The following TOB2 variants were observed in gnomAD, a reference collection of about 807,000 sequenced individuals.
TOB2 encodes the protein protein Tob2.
Under a neutral mutation model 17.3 loss-of-function variants are expected in TOB2, and 3 were observed. The observed-to-expected ratio is 0.17, with a 90% CI of 0.08 to 0.45. TOB2 has a LOEUF of 0.45. Among genes scored for constraint, TOB2 ranks in the 20% least tolerant of loss-of-function variants. TOB2 has a pLI of 0.99. For synonymous variants in TOB2, 163 were observed against 185.6 expected (o/e 0.88, Z 0.99); for missense variants, 407 against 445.7 (o/e 0.91, Z 0.78).
At chr22:41,445,610 A>G (rs1383292966) in intron 1 of TOB2, among the ~76,000 whole-genome samples, 1 of 151,756 alleles carries the variant, frequency 6.6e-6, no homozygotes, top group Non-Finnish European at 1.5e-5. Flanking sequence ...TCCTCTCTGC[A>G]CCCTCCTTCC....
At chr22:41,443,244 A>C (rs1194720243) in intron 1 of TOB2, among the ~76,000 whole-genome samples, 1 of 152,180 alleles carries the variant, frequency 6.6e-6, no homozygotes, top group Admixed American at 6.5e-5. Flanking sequence ...ACTTCTGATA[A>C]AAATGTGAGG....
In TOB2 at chr22:41,437,126, G is replaced by T. The variant is rs568919168; in HGVS notation, c.220C>A (p.Arg74=). Residue 74 remains arginine, a synonymous_variant, in exon 2 of 2, where the codon CGG becomes AGG. Transcript: ENST00000327492. ...ACATCTTCCACCGCCAGGCCACTCC[G>T]CTTGGCGGCCAGCTCCACCACGGGG... is the stretch of plus-strand genomic sequence containing the variant. The part of the protein sequence containing the change: ...VDPVVELAAK[R]SGLAVEDVRA... 13 of 1,614,118 alleles carry T rather than the reference G, an allele frequency of 8.1e-6. No homozygotes were observed. In the East Asian group the frequency reaches 2.9e-4, roughly 36 times the overall value.
In TOB2 at chr22:41,436,600, G is replaced by A. The variant is rs1431697003; in HGVS notation, c.746C>T (p.Pro249Leu). 6 of 1,612,452 alleles carry A rather than the reference G, an allele frequency of 3.7e-6. No homozygotes were observed. The Admixed American group carries it at 6.7e-5, about 18-fold the overall frequency. The change falls in exon 2 of 2, where the codon CCT becomes CTT. Residue 249 changes from proline to leucine, a missense_variant. Transcript: ENST00000327492. This position sits in a 1 kb window ranked among gnomAD's most constrained non-coding sequence, Gnocchi z 4.8. The stretch of plus-strand genomic sequence containing the variant: ...GGCATTGGGTGAGAGCTGGGACTGA[G>A]GGGCCGGGTTGGCCGTGATGAAGTT... ...SLNFITANPAPQSQLSPNAKE... is the reference protein window; with the variant it reads ...SLNFITANPALQSQLSPNAKE...
At position 41,433,909 on chromosome 22, in the gene TOB2, C is replaced by CTT; in HGVS notation, c.*2400_*2401dup. The CTT allele has an allele frequency of 8.6e-5, 18 of 209,948 alleles. No homozygotes were observed. Among genetic ancestry groups the CTT allele is most frequent in the Middle Eastern group, 5.1e-4 (1 of 1,962 alleles). The allele number at this position is 209,948 out of a possible 1,614,324, so 13.0% of individuals were successfully genotyped here. ...GGGGAGAAAAGGTTTTATTTCTCCT[C>CTT]TTTTTTTTTTAAAGTTTGTTTTTCC... On this transcript the variant is annotated 3_prime_UTR_variant, in exon 2 of 2. Transcript: ENST00000327492.
rs146816915 is a variant in TOB2, at chr22:41,437,125, C to T, written c.221G>A (p.Arg74Gln). 9.5e-5 allele frequency: 154 copies of T among 1,614,160 alleles called. 2 individuals are homozygous for T. Among genetic ancestry groups the T allele is most frequent in the South Asian group, 3.2e-4 (29 of 91,074 alleles). Residue 74 changes from arginine (R) to glutamine (Q), a missense_variant, in exon 2 of 2, where the codon CGG becomes CAG. Arg to Gln is a conservative substitution (Grantham distance 43). Coordinates refer to ENST00000327492, the MANE Select transcript of TOB2 (RefSeq NM_016272.4). Reference sequence around the variant, plus strand: ...CACATCTTCCACCGCCAGGCCACTCCGCTTGGCGGCCAGCTCCACCACGGG... The same window carrying T: ...CACATCTTCCACCGCCAGGCCACTCTGCTTGGCGGCCAGCTCCACCACGGG... ...VDPVVELAAKRSGLAVEDVRA... is the reference protein window; with the variant it reads ...VDPVVELAAKQSGLAVEDVRA...
chr22:41,434,266 CAA>C lies in TOB2; in HGVS notation c.*2043_*2044del, dbSNP rs948092568. ...TGAACACACATTTTTCTTCGTATTT[CAA>C]AAGACACAAAGGGGTTGGTCTCCCC... On this transcript the variant is annotated 3_prime_UTR_variant, in exon 2 of 2. Coordinates refer to ENST00000327492, the MANE Select transcript of TOB2 (RefSeq NM_016272.4). 2.6e-5 allele frequency: 4 copies of C among 153,544 alleles called. No individual in the cohort carries two copies. The highest frequency in any genetic ancestry group is 4.4e-5 in the Non-Finnish European group (3 of 68,864). 9.5% of individuals were successfully genotyped at this position (153,544 alleles called of 1,614,324 possible). A position where few individuals can be genotyped will look rare whatever the true frequency, so the allele number is the denominator to read the frequency against.
At chr22:41,442,706 A>C (rs1483491127) in intron 1 of TOB2, among the ~76,000 whole-genome samples, 1 of 152,248 alleles carries the variant, frequency 6.6e-6, no homozygotes, top group Non-Finnish European at 1.5e-5. Flanking sequence ...GCAGAGGATT[A>C]AAGCACTGGT....
rs772593215 is a variant in TOB2, at chr22:41,437,391, T to G, written c.-46A>C. 1.3e-6 allele frequency: 2 copies of G among 1,551,204 alleles called. No homozygotes were observed. Among genetic ancestry groups the G allele is most frequent in the South Asian group, 1.2e-5 (1 of 81,366 alleles). On this transcript the variant is annotated 5_prime_UTR_variant, in exon 2 of 2. Transcript: ENST00000327492. ...ATCAGCACAGGGCACGTGTACAGCCTTGGGCTCCAGGCGGCTCTGGGAAAT... is the reference window on the plus strand; with the variant it reads ...ATCAGCACAGGGCACGTGTACAGCCGTGGGCTCCAGGCGGCTCTGGGAAAT...
At position 41,434,392 on chromosome 22, in the gene TOB2, A is replaced by G. The variant is rs1358985243; in HGVS notation, c.*1919T>C. Reference sequence around the variant, plus strand: ...AGAAGGGGATGTAAGGCAGCATCCAACCTTTCCCAGAGAGAAGCTATCTGC... The same window carrying G: ...AGAAGGGGATGTAAGGCAGCATCCAGCCTTTCCCAGAGAGAAGCTATCTGC... On this transcript the variant is annotated 3_prime_UTR_variant, in exon 2 of 2. Coordinates refer to ENST00000327492, the MANE Select transcript of TOB2 (RefSeq NM_016272.4). 1 of 152,784 alleles carries G rather than the reference A, an allele frequency of 6.5e-6. No individual in the cohort carries two copies. Among genetic ancestry groups the G allele is most frequent in the Non-Finnish European group, 1.5e-5 (1 of 68,220 alleles). The allele number at this position is 152,784 out of a possible 1,614,324, so 9.5% of individuals were successfully genotyped here.
chr22:41,438,425 T>C (rs530270179), intron 1 of TOB2, among the ~76,000 whole-genome samples: 20 of 151,524 alleles, frequency 1.3e-4, no homozygotes, highest in Middle Eastern at 3.4e-3. Flanking sequence ...GGTCGGGAGT[T>C]CGAGACCAGC....
chr22:41,439,812 G>A (rs953483790), intron 1 of TOB2, among the ~76,000 whole-genome samples: 1 of 152,012 alleles, frequency 6.6e-6, no homozygotes, highest in South Asian at 2.1e-4. Flanking sequence ...CAACACACAC[G>A]GCCTTAAGGG....
rs2037547345 is a variant in TOB2, at chr22:41,436,379, G to A, written c.967C>T (p.Leu323Phe). The change falls in exon 2 of 2, where the codon CTC (leucine) becomes TTC (phenylalanine). Residue 323 changes from leucine (L) to phenylalanine (F), a missense_variant. Coordinates refer to ENST00000327492, the MANE Select transcript of TOB2 (RefSeq NM_016272.4). This position sits in a 1 kb window ranked among gnomAD's most constrained non-coding sequence, Gnocchi z 4.8. ...FLEKTPFVEG[L>F]SYNLNTMQYP... ...TGCATGGTGTTCAGGTTGTAGCTGA[G>A]GCCTTCCACAAAGGGTGTCTTCTCC... 6.2e-7 allele frequency: 1 copy of A among 1,613,270 alleles called. No individual in the cohort carries two copies. The highest frequency in any genetic ancestry group is 1.1e-5 in the South Asian group (1 of 90,970).
chr22:41,437,858 G>A (rs928121714), intron 1 of TOB2, among the ~76,000 whole-genome samples: 3 of 146,938 alleles, frequency 2.0e-5, no homozygotes, highest in South Asian at 2.2e-4. Context: ...GCTGAGGCAG[G>A]AGAATTGCTT....
At chr22:41,444,388 A>T (rs1035530674) in intron 1 of TOB2, among the ~76,000 whole-genome samples, 7 of 152,134 alleles carry the variant, frequency 4.6e-5, no homozygotes, top group Non-Finnish European at 1.0e-4. Context: ...AGGGCACTCC[A>T]TGTTCCTCAG....
intron 1 of TOB2, among the ~76,000 whole-genome samples, chr22:41,441,481 C>G (rs2037620256): frequency 1.3e-5 from 2 of 151,692 alleles, no homozygotes; most frequent in South Asian, 2.1e-4. Flanking sequence ...AAGGAGCAGA[C>G]TAAAAAGTTG....
chr22:41,437,136 C>T lies in TOB2; in HGVS notation c.210G>A (p.Leu70=), dbSNP rs554626555. 30 of 1,614,172 alleles carry T rather than the reference C, an allele frequency of 1.9e-5. No individual in the cohort carries two copies. In the South Asian group the frequency reaches 2.2e-4, roughly 12 times the overall value. The change falls in exon 2 of 2, where the codon CTG becomes CTA. Residue 70 remains leucine, a synonymous_variant. Coordinates refer to ENST00000327492, the MANE Select transcript of TOB2 (RefSeq NM_016272.4). ...CCGCCAGGCCACTCCGCTTGGCGGC[C>T]AGCTCCACCACGGGGTCCACCATCT... ...IGEMVDPVVE[L]AAKRSGLAVE...
chr22:41,437,034 A>G lies in TOB2; in HGVS notation c.312T>C (p.Gly104=), dbSNP rs1429036306. 4 of 1,614,030 alleles carry G rather than the reference A, an allele frequency of 2.5e-6. No individual in the cohort carries two copies. The highest frequency in any genetic ancestry group is 1.7e-5 in the Admixed American group (1 of 60,010). Residue 104 remains glycine (G), a synonymous_variant, in exon 2 of 2, where the codon GGT becomes GGC. Coordinates refer to ENST00000327492, the MANE Select transcript of TOB2 (RefSeq NM_016272.4). ...IDPFEVSYQI[G]EKGAVKVLYL... ...ACAGCACTTTCACAGCTCCCTTCTC[A>G]CCAATCTGGTAGGACACCTCAAAGG...
chr22:41,439,654 T>C (rs1337316784), intron 1 of TOB2, among the ~76,000 whole-genome samples: 1 of 152,082 alleles, frequency 6.6e-6, no homozygotes, highest in Non-Finnish European at 1.5e-5. Flanking sequence ...TGGCTGGGAC[T>C]ATAGGTGCCC....
intron 1 of TOB2, among the ~76,000 whole-genome samples, chr22:41,444,993 G>A (rs1324929784): frequency 6.6e-6 from 1 of 152,098 alleles, no homozygotes; most frequent in Admixed American, 6.5e-5. Flanking sequence ...TAGCGGACTC[G>A]GCTCCAGCAC....
Sources: allele counts gnomAD v4.1 joint callset (sites outside exome capture counted in the v4.1 genomes callset), GRCh38; gene constraint gnomAD v4.1.1; non-coding constraint Gnocchi (gnomAD v3.1); transcripts MANE v1.5; gene names NCBI Gene and HGNC (gene_info 2026-07-23, HGNC 2026-07-21).